Variants in GPD2 observed in about 807,000 individuals in gnomAD.
GPD2 encodes glycerol-3-phosphate dehydrogenase 2.
GPD2 carries 54 observed loss-of-function variants against 82.4 expected under a neutral mutation model. That is an observed-to-expected ratio of 0.66 (90% confidence interval 0.53 to 0.82). The LOEUF is 0.82. Ranked by LOEUF, GPD2 falls within the 40% of genes least tolerant of loss-of-function variation. GPD2 has a pLI of 0.00. For missense variants in GPD2, 748 were observed against 896.2 expected (o/e 0.83, Z 2.11); for synonymous variants, 288 against 306.1 (o/e 0.94, Z 0.62).
At chr2:156,579,610 G>T in intron 15 of GPD2, 80 bp from the exon 16 acceptor site, 1 of 771,700 alleles carries the variant, frequency 1.3e-6, no homozygotes, top group Middle Eastern at 3.5e-4. Flanking sequence ...GGGATTACAG[G>T]CATGAGCCTC....
intron 8 of GPD2, among the ~76,000 whole-genome samples, chr2:156,552,185 T>C (rs1433427978): frequency 1.3e-5 from 2 of 152,186 alleles, no homozygotes; most frequent in Admixed American, 6.5e-5. Flanking sequence ...GTTTTCAAAA[T>C]GCGTATGTGA....
At chr2:156,442,915 C>T (rs1209249028) in intron 1 of GPD2, among the ~76,000 whole-genome samples, 1 of 152,212 alleles carries the variant, frequency 6.6e-6, no homozygotes. Context: ...CCATGGATTA[C>T]TCTGCCCTAT....
intron 1 of GPD2, among the ~76,000 whole-genome samples, chr2:156,439,635 T>C (rs1027962876): frequency 7.2e-6 from 1 of 139,430 alleles, no homozygotes; most frequent in Non-Finnish European, 1.5e-5. Flanking sequence ...TCACCTGAGG[T>C]CAGGAATTGG....
At chr2:156,415,185 G>T in the GPD2 span, among the ~76,000 whole-genome samples, 1 of 131,388 alleles carries the variant, frequency 7.6e-6, no homozygotes, top group Admixed American at 8.9e-5. Flanking sequence ...TTGAGACAGA[G>T]TCTTGCTCAG....
chr2:156,464,402 T>A (rs1200964910), intron 1 of GPD2, among the ~76,000 whole-genome samples: 1 of 152,206 alleles, frequency 6.6e-6, no homozygotes, highest in Non-Finnish European at 1.5e-5. Context: ...GTAGTTCCAT[T>A]TATACTTGTG....
At chr2:156,408,113 A>G in the GPD2 span, among the ~76,000 whole-genome samples, 2 of 151,426 alleles carry the variant, frequency 1.3e-5, no homozygotes, top group Non-Finnish European at 2.9e-5. Flanking sequence ...GCGCCACCAC[A>G]CTGGCTAATT....
chr2:156,416,372 A>G, the GPD2 span, among the ~76,000 whole-genome samples: 2 of 150,930 alleles, frequency 1.3e-5, no homozygotes, highest in African/African-American at 4.9e-5. Context: ...TTTTGAGACC[A>G]CATCTCACCT....
rs1303602051 is a variant in GPD2 at position 156,491,118 on chromosome 2, C to T, written c.103-4926C>T. Among the ~76,000 whole-genome samples, 3 of 152,224 alleles carry T rather than the reference C, an allele frequency of 2.0e-5. No homozygotes were observed. In the South Asian group the frequency reaches 6.2e-4, roughly 31 times the overall value. On this transcript the variant is annotated intron_variant, in intron 2 of 16. Coordinates refer to ENST00000438166, the MANE Select transcript of GPD2 (RefSeq NM_000408.5). ...TAGTCAGTCCTTGTACCCCCATTCC[C>T]AGACCCTGGCAACCACTGATCTGTT... is the stretch of plus-strand genomic sequence containing the variant.
intron 1 of GPD2, among the ~76,000 whole-genome samples, chr2:156,444,783 GC>G (rs2105144018): frequency 6.6e-6 from 1 of 152,028 alleles, no homozygotes; most frequent in East Asian, 1.9e-4. Flanking sequence ...ACAGAGTCTT[GC>G]TCTGCTGCCC....
upstream of GPD2, among the ~76,000 whole-genome samples, chr2:156,430,894 G>A (rs1420441029): frequency 6.6e-6 from 1 of 152,224 alleles, no homozygotes; most frequent in Non-Finnish European, 1.5e-5. Flanking sequence ...CGTTTAAGAT[G>A]TCTTAGTAGC....
chr2:156,561,040 C>CTTTTTTGTTTTTTT (rs1687149634), intron 9 of GPD2, among the ~76,000 whole-genome samples: 2 of 27,626 alleles, frequency 7.2e-5, no homozygotes, highest in African/African-American at 1.4e-4. Flanking sequence ...TGACATTAAG[C>CTTTTTTGTTTTTTT]TTTTTTTTTT....
chr2:156,425,750 T>A, the GPD2 span, among the ~76,000 whole-genome samples: 1 of 152,164 alleles, frequency 6.6e-6, no homozygotes, highest in Non-Finnish European at 1.5e-5. Context: ...ACCCCACCAC[T>A]CCTTATTTGT....
At chr2:156,457,021 G>A (rs1682810762) in intron 1 of GPD2, among the ~76,000 whole-genome samples, 1 of 152,060 alleles carries the variant, frequency 6.6e-6, no homozygotes, top group African/African-American at 2.4e-5. Context: ...TTTGAGATTA[G>A]GGTATCATTC....
chr2:156,410,777 T>A, the GPD2 span, among the ~76,000 whole-genome samples: 1 of 152,240 alleles, frequency 6.6e-6, no homozygotes, highest in African/African-American at 2.4e-5. Flanking sequence ...TTAGGATTAA[T>A]GACCACCTTA....
intron 6 of GPD2, among the ~76,000 whole-genome samples, 157 bp from the exon 7 acceptor site, chr2:156,549,451 G>A (rs531684427): frequency 1.3e-5 from 2 of 152,286 alleles, no homozygotes; most frequent in South Asian, 2.1e-4. Flanking sequence ...GAGAATGACC[G>A]TGTATTTTAA....
intron 1 of GPD2, among the ~76,000 whole-genome samples, chr2:156,441,446 C>T (rs1248828235): frequency 6.6e-6 from 1 of 152,082 alleles, no homozygotes; most frequent in East Asian, 1.9e-4. Context: ...GTAGTCCTCA[C>T]TACCCTGGAG....
At chr2:156,526,727 A>G (rs888900347) in intron 6 of GPD2, among the ~76,000 whole-genome samples, 47 of 152,112 alleles carry the variant, frequency 3.1e-4, no homozygotes, top group Non-Finnish European at 5.9e-4. Context: ...TAACTATCTA[A>G]TGAATTCGTC....
the GPD2 span, among the ~76,000 whole-genome samples, chr2:156,401,670 T>C: frequency 2.0e-5 from 3 of 152,180 alleles, no homozygotes; most frequent in Non-Finnish European, 4.4e-5. Flanking sequence ...TGGAAATTGG[T>C]AAATTGGAAC....
intron 13 of GPD2, among the ~76,000 whole-genome samples, chr2:156,572,944 G>A (rs1490423314): frequency 6.6e-6 from 1 of 152,136 alleles, no homozygotes; most frequent in Non-Finnish European, 1.5e-5. Flanking sequence ...TCTGGTGGGG[G>A]CCTGTGTCCT....
Sources: allele counts gnomAD v4.1 joint callset (sites outside exome capture counted in the v4.1 genomes callset), GRCh38; gene constraint gnomAD v4.1.1; transcripts MANE v1.5; gene names NCBI Gene and HGNC (gene_info 2026-07-23, HGNC 2026-07-21).